XPO6: variants seen among roughly 807,000 people sequenced by gnomAD.
XPO6 encodes exportin-6.
XPO6 carries 3 observed loss-of-function variants against 130.0 expected under a neutral mutation model. That is an observed-to-expected ratio of 0.02 (90% CI 0.01 to 0.06). The LOEUF (loss-of-function observed/expected upper bound fraction) is 0.06. Ranked by LOEUF, XPO6 falls within the 10% of genes least tolerant of loss-of-function variation. The pLI is 1.00. For missense variants in XPO6, 970 were observed against 1,393.0 expected (o/e 0.70, Z 4.83); for synonymous variants, 524 against 548.9 (o/e 0.95, Z 0.63).
chr16:28,174,287 C>G (rs2043500964), intron 4 of XPO6, among the ~76,000 whole-genome samples: 1 of 152,178 alleles, frequency 6.6e-6, no homozygotes, highest in African/African-American at 2.4e-5. Flanking sequence ...CACCCCCACT[C>G]AGGTTTCTGC....
In XPO6 at chr16:28,132,449, G is replaced by T; in HGVS notation, c.1537-46C>A. On this transcript the variant is annotated intron_variant, in intron 11 of 23. Transcript: ENST00000304658. The surrounding 1 kb of genome is among the most constrained non-coding windows in gnomAD (Gnocchi z 4.0). ...ACAACAAAAATTTTAAGCCATAAAT[G>T]CAAGTTTTAATAGCATTTTAACATT... The T allele has an allele frequency of 1.5e-6, 2 of 1,369,696 alleles. No individual in the cohort carries two copies. The highest frequency in any genetic ancestry group is 2.5e-5 in the South Asian group (2 of 79,328). 84.8% of individuals were successfully genotyped at this position (1,369,696 alleles called of 1,614,324 possible).
At position 28,159,705 on chromosome 16, in the gene XPO6, A is replaced by G. The variant is rs146652270; in HGVS notation, c.644-3178T>C. On this transcript the variant is annotated intron_variant, in intron 6 of 23. Coordinates refer to ENST00000304658, the MANE Select transcript of XPO6 (RefSeq NM_015171.4). ...CATCTTTCACAAGGAAGAAGTCTCA[A>G]AATACATGGTCTAAAATTAAACATG... is the stretch of plus-strand genomic sequence containing the variant. Among the ~76,000 whole-genome samples, 647 of 152,370 alleles carry G rather than the reference A, an allele frequency of 4.2e-3. 2 individuals carry two copies. The highest frequency in any genetic ancestry group is 7.2e-3 in the Non-Finnish European group (491 of 68,028).
At chr16:28,153,967 C>A in intron 7 of XPO6, 2 of 985,310 alleles carry the variant, frequency 2.0e-6, no homozygotes, top group Non-Finnish European at 2.4e-6. Context: ...AGCTTATTTG[C>A]AGCTTTTTAA....
intron 10 of XPO6, 151 bp downstream of exon 10, chr16:28,135,065 G>A: frequency 1.2e-5 from 7 of 573,184 alleles, no homozygotes; most frequent in Non-Finnish European, 2.1e-5. Flanking sequence ...ACCAGCAGGA[G>A]ATTAAAAATT....
intron 1 of XPO6, among the ~76,000 whole-genome samples, chr16:28,207,194 G>A (rs1468723259): frequency 6.6e-6 from 1 of 151,362 alleles, no homozygotes; most frequent in Non-Finnish European, 1.5e-5. Flanking sequence ...GTTGCAGTAA[G>A]CCAAGATCGT....
intron 12 of XPO6, 33 bp from the exon 13 acceptor site, chr16:28,125,881 G>C (rs753596153): frequency 6.2e-7 from 1 of 1,602,062 alleles, no homozygotes; most frequent in Non-Finnish European, 8.5e-7. Context: ...GTTTTTCACA[G>C]GAAGACCACG....
rs2044133891 is a variant in XPO6 at position 28,211,596 on chromosome 16, C to G, written c.-228G>C. ...TTCATCCAGACCCACCCGCCCCTCC[C>G]CAAGGAAACTGAAAAAGCAGGAAAT... On this transcript the variant is annotated 5_prime_UTR_variant, in exon 1 of 24. Coordinates refer to ENST00000304658, the MANE Select transcript of XPO6 (RefSeq NM_015171.4). 2.4e-6 allele frequency: 1 copy of G among 412,586 alleles called. No individual in the cohort carries two copies. Among genetic ancestry groups the G allele is most frequent in the Non-Finnish European group, 4.3e-6 (1 of 232,694 alleles). 25.6% of individuals were successfully genotyped at this position (412,586 alleles called of 1,614,324 possible).
chr16:28,176,455 A>G lies in XPO6; in HGVS notation c.208-360T>C, dbSNP rs147224192. On this transcript the variant is annotated intron_variant, in intron 3 of 23. Coordinates refer to ENST00000304658, the MANE Select transcript of XPO6 (RefSeq NM_015171.4). ...TGTGGGGATATAAAATAAAGTGGGG[A>G]AAAGTAGAATACAAAATAGCATGGG... Among the ~76,000 whole-genome samples, 566 of 152,332 alleles carry G rather than the reference A, an allele frequency of 3.7e-3. 5 individuals carry two copies. The highest frequency in any genetic ancestry group is 0.013 in the African/African-American group (548 of 41,578).
chr16:28,101,484 G>C lies in XPO6; in HGVS notation c.3250C>G (p.Leu1084Val), dbSNP rs1369176215. 1 of 1,614,042 alleles carries C rather than the reference G, an allele frequency of 6.2e-7. No homozygotes were observed. The highest frequency in any genetic ancestry group is 8.5e-7 in the Non-Finnish European group (1 of 1,180,002). The stretch of plus-strand genomic sequence containing the variant: ...CGATCCATCTTGAAATTCCGCCCCA[G>C]CACACTTTTCTGGTTGGCATCCACA... Reference protein sequence around the residue: ...DGVDANQKSVLGRNFKMDRDL... With the variant: ...DGVDANQKSVVGRNFKMDRDL... The change falls in exon 23 of 24, where the codon CTG (leucine) becomes GTG (valine). Residue 1084 changes from leucine (L) to valine (V), a missense_variant. Around this residue, in one of 4 missense-constraint regions of XPO6, gnomAD observed 936 missense variants for 1,306.8 expected, o/e 0.72. Coordinates refer to ENST00000304658, the MANE Select transcript of XPO6 (RefSeq NM_015171.4). The surrounding 1 kb of genome is among the most constrained non-coding windows in gnomAD (Gnocchi z 5.4).
chr16:28,116,005 G>A (rs2087044109), intron 15 of XPO6, among the ~76,000 whole-genome samples: 1 of 152,228 alleles, frequency 6.6e-6, no homozygotes, highest in Non-Finnish European at 1.5e-5. Flanking sequence ...TGGCTTAAGG[G>A]AATGTTGTGG....
At chr16:28,187,710 T>C (rs1295798689) in intron 1 of XPO6, among the ~76,000 whole-genome samples, 1 of 148,862 alleles carries the variant, frequency 6.7e-6, no homozygotes, top group Non-Finnish European at 1.5e-5. Flanking sequence ...TTCTACAATA[T>C]CTACCATGGG....
intron 9 of XPO6, among the ~76,000 whole-genome samples, chr16:28,136,982 T>C (rs954753818): frequency 1.3e-5 from 2 of 152,250 alleles, no homozygotes; most frequent in African/African-American, 4.8e-5. Flanking sequence ...GGAGGGAGAC[T>C]GGAAGGCAGA....
At chr16:28,119,738 T>C (rs1040045390) in intron 14 of XPO6, among the ~76,000 whole-genome samples, 2 of 152,344 alleles carry the variant, frequency 1.3e-5, no homozygotes, top group Middle Eastern at 3.4e-3. Flanking sequence ...CATTATTGTA[T>C]GTATTAAATT....
intron 1 of XPO6, among the ~76,000 whole-genome samples, chr16:28,191,911 T>C (rs1315110104): frequency 1.3e-5 from 2 of 152,226 alleles, no homozygotes; most frequent in African/African-American, 4.8e-5. Context: ...AGCAAGTCTC[T>C]TGTAAAACCA....
intron 1 of XPO6, among the ~76,000 whole-genome samples, chr16:28,201,628 G>A (rs1374218752): frequency 2.0e-5 from 3 of 152,072 alleles, no homozygotes; most frequent in African/African-American, 4.8e-5. Context: ...AGGCTGAGGC[G>A]GGTGGATCAC....
intron 12 of XPO6, among the ~76,000 whole-genome samples, chr16:28,129,796 G>C (rs1307948963): frequency 6.6e-6 from 1 of 152,192 alleles, no homozygotes; most frequent in African/African-American, 2.4e-5. Flanking sequence ...CCTTACACAG[G>C]AAAGTTTGCA....
chr16:28,204,137 C>G (rs1007250038), intron 1 of XPO6, among the ~76,000 whole-genome samples: 1 of 152,134 alleles, frequency 6.6e-6, no homozygotes, highest in Non-Finnish European at 1.5e-5. Flanking sequence ...GCCCACTATG[C>G]CAAGAATTGC....
rs183022670 is a variant in XPO6 at position 28,199,417 on chromosome 16, G to C, written c.3+11949C>G. 2.3e-3 allele frequency among the ~76,000 whole-genome samples: 344 copies of C among 152,136 alleles called. 1 individual carries two copies. The highest frequency in any genetic ancestry group is 6.1e-3 in the Admixed American group (94 of 15,288). On this transcript the variant is annotated intron_variant, in intron 1 of 23. Coordinates refer to ENST00000304658, the MANE Select transcript of XPO6 (RefSeq NM_015171.4). Reference sequence around the variant, plus strand: ...AGCCTCCTGAGTTGCTGGGATTACAGGTGCCCACCACCATGTCCAGCTAAT... The same window carrying C: ...AGCCTCCTGAGTTGCTGGGATTACACGTGCCCACCACCATGTCCAGCTAAT...
intron 12 of XPO6, among the ~76,000 whole-genome samples, chr16:28,126,081 G>A (rs1225301414): frequency 2.0e-5 from 3 of 152,238 alleles, no homozygotes; most frequent in Non-Finnish European, 2.9e-5. Flanking sequence ...GTTGTGGGAA[G>A]GGGCAGACAG....
Sources: gnomAD v4.1 joint callset for allele counts (sites outside exome capture counted in the v4.1 genomes callset) on GRCh38, gnomAD v4.1.1 for gene constraint, gnomAD v4.1.1 regional missense constraint, Gnocchi (gnomAD v3.1) non-coding constraint, MANE v1.5 for transcripts, NCBI Gene and HGNC (gene_info 2026-07-23, HGNC 2026-07-21) for gene names.